Variants in PNPT1 observed in about 807,000 individuals in gnomAD.
The protein encoded by PNPT1 is polyribonucleotide nucleotidyltransferase 1.
PNPT1 carries 53 observed loss-of-function variants against 119.5 expected under a neutral mutation model. The observed-to-expected ratio is 0.44, with a 90% CI of 0.36 to 0.56. The LOEUF is 0.56. Among genes scored for constraint, PNPT1 ranks in the 20% least tolerant of loss-of-function variants. The pLI is 0.00. For synonymous variants in PNPT1, 357 were observed against 322.1 expected (o/e 1.11, Z -1.16); for missense variants, 948 against 938.5 (o/e 1.01, Z -0.13).
At chr2:55,648,807 T>C (rs1696082691) in intron 18 of PNPT1, among the ~76,000 whole-genome samples, 1 of 152,212 alleles carries the variant, frequency 6.6e-6, no homozygotes, top group South Asian at 2.1e-4. Context: ...ATTAGTTTTC[T>C]GTGTAGGATT....
chr2:55,685,352 T>C (rs982986970), intron 3 of PNPT1, among the ~76,000 whole-genome samples: 7 of 152,144 alleles, frequency 4.6e-5, no homozygotes, highest in African/African-American at 1.7e-4. Flanking sequence ...CAGAAAGACC[T>C]TGTCTCTACC....
intron 5 of PNPT1, among the ~76,000 whole-genome samples, 153 bp downstream of exon 5, chr2:55,683,632 G>T (rs1473097717): frequency 7.4e-6 from 1 of 135,160 alleles, no homozygotes; most frequent in Non-Finnish European, 1.6e-5. Flanking sequence ...AAAAAAAAAA[G>T]TACTATCTTT....
At chr2:55,657,950 A>G (rs12623937) in intron 15 of PNPT1, among the ~76,000 whole-genome samples, 17,018 of 148,316 alleles carry the variant, frequency 0.11, 1,196 homozygotes, top group East Asian at 0.26. Flanking sequence ...ACTTAAAGAA[A>G]TATCAGGCCG....
intron 26 of PNPT1, among the ~76,000 whole-genome samples, chr2:55,638,686 T>C (rs936530547): frequency 2.6e-5 from 4 of 152,088 alleles, no homozygotes; most frequent in Non-Finnish European, 2.9e-5. Flanking sequence ...CTGCTAACAT[T>C]CCAATGAGTA....
rs745939394 is a variant in PNPT1 at position 55,670,341 on chromosome 2, C to T, written c.976+978G>A. On this transcript the variant is annotated intron_variant, in intron 11 of 27. Coordinates refer to ENST00000447944, the MANE Select transcript of PNPT1 (RefSeq NM_033109.5). The stretch of plus-strand genomic sequence containing the variant: ...AGCTGGGACCACAGGTGCCCGCCAC[C>T]ACGCCCGGCTAACTTTTTGTATTTT... 1.1e-3 allele frequency among the ~76,000 whole-genome samples: 174 copies of T among 152,212 alleles called. 2 individuals carry two copies. The Middle Eastern group carries it at 0.024, about 21-fold the overall frequency.
chr2:55,644,945 T>C, intron 22 of PNPT1: 1 of 403,674 alleles, frequency 2.5e-6, no homozygotes, highest in South Asian at 6.0e-5. Flanking sequence ...ATTTTCGTTT[T>C]GTGCACTGGG....
intron 19 of PNPT1, 62 bp from the exon 20 acceptor site, chr2:55,646,548 T>C (rs1696011122): frequency 7.4e-7 from 1 of 1,353,742 alleles, no homozygotes; most frequent in Non-Finnish European, 1.0e-6. Flanking sequence ...ACATATTCAC[T>C]GTAGAAACAT....
At chr2:55,688,043 CT>C (rs1246255126) in intron 1 of PNPT1, among the ~76,000 whole-genome samples, 1 of 149,140 alleles carries the variant, frequency 6.7e-6, no homozygotes, top group Non-Finnish European at 1.5e-5. Flanking sequence ...TCTTCTTTTT[CT>C]TTTCTTTTTT....
intron 11 of PNPT1, among the ~76,000 whole-genome samples, chr2:55,668,586 T>A (rs1323530771): frequency 1.3e-5 from 2 of 151,692 alleles, no homozygotes; most frequent in African/African-American, 4.8e-5. Flanking sequence ...AGTCAGCCTT[T>A]ATGGAAAAGG....
chr2:55,683,612 CAAA>C (rs397943177), intron 5 of PNPT1, among the ~76,000 whole-genome samples, 170 bp downstream of exon 5: 5 of 74,166 alleles, frequency 6.7e-5, no homozygotes, highest in Non-Finnish European at 5.3e-5. Context: ...GACTCTGTCT[CAAA>C]AAAAAAAAAA....
chr2:55,663,655 C>T (rs1329390791), intron 13 of PNPT1, among the ~76,000 whole-genome samples: 2 of 152,050 alleles, frequency 1.3e-5, no homozygotes, highest in Non-Finnish European at 2.9e-5. Context: ...TTGAATGGGT[C>T]CTTTTCATCA....
chr2:55,671,521 T>C (rs111783180), intron 10 of PNPT1, 145 bp from the exon 11 acceptor site: 2 of 506,950 alleles, frequency 3.9e-6, no homozygotes, highest in Non-Finnish European at 6.9e-6. Flanking sequence ...TCTTGATTTA[T>C]GACAAATACT....
intron 8 of PNPT1, among the ~76,000 whole-genome samples, chr2:55,678,692 T>C (rs1439874009): frequency 6.6e-6 from 1 of 152,236 alleles, no homozygotes; most frequent in Non-Finnish European, 1.5e-5. Flanking sequence ...ATCACTGTCC[T>C]AGATTTACCA....
intron 25 of PNPT1, 109 bp downstream of exon 25, chr2:55,643,049 G>A: frequency 1.7e-6 from 2 of 1,176,976 alleles, no homozygotes; most frequent in Non-Finnish European, 2.5e-6. Flanking sequence ...AGGAGTTCAA[G>A]GCAGCTGTGA....
At chr2:55,658,898 G>A (rs1407012351) in intron 15 of PNPT1, among the ~76,000 whole-genome samples, 2 of 152,160 alleles carry the variant, frequency 1.3e-5, no homozygotes, top group East Asian at 3.8e-4. Flanking sequence ...CAGCCAACAA[G>A]GGTTACACAA....
At chr2:55,666,970 A>C in intron 13 of PNPT1, 21 bp downstream of exon 13, 7 of 1,474,554 alleles carry the variant, frequency 4.7e-6, no homozygotes, top group Non-Finnish European at 6.4e-6. Context: ...GCAAATAATT[A>C]GAGCTTTTTA....
chr2:55,650,869 G>A (rs1317296939), intron 18 of PNPT1, among the ~76,000 whole-genome samples: 11 of 148,778 alleles, frequency 7.4e-5, no homozygotes, highest in East Asian at 2.0e-4. Flanking sequence ...GTCTCTGCCC[G>A]GCAGCCACCT....
At chr2:55,678,482 T>G (rs144499994) in intron 8 of PNPT1, among the ~76,000 whole-genome samples, 69 of 152,256 alleles carry the variant, frequency 4.5e-4, no homozygotes, top group South Asian at 3.3e-3. Context: ...GAAAGGTGCT[T>G]AAAACGCAGG....
At chr2:55,690,889 C>T (rs1377877270) in intron 1 of PNPT1, among the ~76,000 whole-genome samples, 2 of 152,190 alleles carry the variant, frequency 1.3e-5, no homozygotes, top group Admixed American at 6.5e-5. Context: ...ACCAGTCACA[C>T]TGTGTAGTAT....
Sources: gnomAD v4.1 joint callset for allele counts (sites outside exome capture counted in the v4.1 genomes callset) on GRCh38, gnomAD v4.1.1 for gene constraint, MANE v1.5 for transcripts, NCBI Gene and HGNC (gene_info 2026-07-23, HGNC 2026-07-21) for gene names.